PCDH7: variants seen among roughly 807,000 people sequenced by gnomAD.
PCDH7 encodes protocadherin-7.
PCDH7 carries 17 observed loss-of-function variants against 58.9 expected under a neutral mutation model. The ratio of observed to expected loss-of-function variants is 0.29; its 90% confidence interval spans 0.20 to 0.43. The LOEUF is 0.43. Among genes scored for constraint, PCDH7 ranks in the 20% least tolerant of loss-of-function variants. The probability of loss-of-function intolerance (pLI) is 1.00; values close to 1 mark genes in which losing one functional copy is unlikely to be tolerated. For synonymous variants in PCDH7, 664 were observed against 616.4 expected (o/e 1.08, Z -1.14); for missense variants, 1,274 against 1,441.0 (o/e 0.88, Z 1.88).
At position 30,905,260 on chromosome 4, in the gene PCDH7, T is replaced by C. The variant is rs564434918; in HGVS notation, c.71-14893T>C. ...TTGTTTATTTGTTCATTTTTAGTGTTTTACATACTACTGGAGTTCCACTTG... is the reference window on the plus strand; with the variant it reads ...TTGTTTATTTGTTCATTTTTAGTGTCTTACATACTACTGGAGTTCCACTTG... On this transcript the variant is annotated intron_variant, in intron 1 of 3. Coordinates refer to the PCDH7 transcript ENST00000509759. 9.9e-5 allele frequency among the ~76,000 whole-genome samples: 15 copies of C among 152,210 alleles called. No homozygotes were observed. In the South Asian group the frequency reaches 3.1e-3, roughly 32 times the overall value.
chr4:30,835,022 A>G (rs1364155345), intron 1 of PCDH7, among the ~76,000 whole-genome samples: 2 of 152,124 alleles, frequency 1.3e-5, no homozygotes, highest in African/African-American at 4.8e-5. Context: ...GCCATATATA[A>G]TAATAAACCA....
At chr4:30,876,798 T>C (rs1736342340) in intron 1 of PCDH7, among the ~76,000 whole-genome samples, 2 of 152,176 alleles carry the variant, frequency 1.3e-5, no homozygotes, top group South Asian at 4.1e-4. Context: ...CCAGGTTTGC[T>C]ACATAGGTAT....
intron 3 of PCDH7, among the ~76,000 whole-genome samples, chr4:31,128,042 T>C (rs1230219939): frequency 1.3e-5 from 2 of 151,456 alleles, no homozygotes; most frequent in African/African-American, 4.8e-5. Context: ...TATATATGTA[T>C]GCACATATGC....
At chr4:30,830,343 T>C (rs1729612762) in intron 1 of PCDH7, among the ~76,000 whole-genome samples, 1 of 152,116 alleles carries the variant, frequency 6.6e-6, no homozygotes, top group Non-Finnish European at 1.5e-5. Flanking sequence ...GATAGTGTAA[T>C]TAGCAATCAA....
intron 3 of PCDH7, among the ~76,000 whole-genome samples, chr4:30,950,509 A>T (rs997497295): frequency 6.6e-6 from 1 of 152,216 alleles, no homozygotes; most frequent in East Asian, 1.9e-4. Flanking sequence ...ACTTGTATGT[A>T]TGAATATGCC....
intron 1 of PCDH7, among the ~76,000 whole-genome samples, chr4:30,749,610 A>G (rs1377578308): frequency 6.6e-6 from 1 of 152,174 alleles, no homozygotes; most frequent in East Asian, 1.9e-4. Context: ...TATGCCTGCA[A>G]CACTGCTCTT....
At chr4:30,840,427 T>C (rs989386591) in intron 1 of PCDH7, among the ~76,000 whole-genome samples, 11 of 152,278 alleles carry the variant, frequency 7.2e-5, no homozygotes, top group African/African-American at 2.2e-4. Flanking sequence ...GTGGGATTTT[T>C]CCCCTCTTTG....
At chr4:30,998,903 G>A (rs1291713938) in intron 3 of PCDH7, among the ~76,000 whole-genome samples, 1 of 152,144 alleles carries the variant, frequency 6.6e-6, no homozygotes, top group South Asian at 2.1e-4. Context: ...CATTGGAATG[G>A]AAACAAAATA....
chr4:30,761,228 T>C (rs1719978281), intron 1 of PCDH7, among the ~76,000 whole-genome samples: 1 of 152,198 alleles, frequency 6.6e-6, no homozygotes, highest in Non-Finnish European at 1.5e-5. Context: ...AAAGATTCAC[T>C]AACAGAGCTT....
rs1713349036 is a variant in PCDH7, at chr4:30,720,659, G to C, written c.-764G>C. 1 of 152,674 alleles carries C rather than the reference G, an allele frequency of 6.5e-6. No individual in the cohort carries two copies. Among genetic ancestry groups the C allele is most frequent in the Non-Finnish European group, 1.5e-5 (1 of 68,274 alleles). The allele number at this position is 152,674 out of a possible 1,614,324, so 9.5% of individuals were successfully genotyped here. ...GCTCGGGCTTCTCTTTGGCGCGCCG[G>C]GGGGACCCTGACACTGACCGCTCTG... is the stretch of plus-strand genomic sequence containing the variant. On this transcript the variant is annotated 5_prime_UTR_variant, in exon 1 of 2. Coordinates refer to ENST00000361762, the Ensembl canonical transcript of PCDH7. This position sits in a 1 kb window ranked among gnomAD's most constrained non-coding sequence, Gnocchi z 4.7.
At chr4:31,135,586 A>G (rs750577069) in intron 3 of PCDH7, among the ~76,000 whole-genome samples, 2 of 152,206 alleles carry the variant, frequency 1.3e-5, no homozygotes, top group Non-Finnish European at 2.9e-5. Context: ...TATTTATTCC[A>G]TAATAAATTA....
At chr4:31,140,661 C>G (rs1026415174) in intron 3 of PCDH7, among the ~76,000 whole-genome samples, 1 of 147,922 alleles carries the variant, frequency 6.8e-6, no homozygotes, top group Non-Finnish European at 1.5e-5. Context: ...GAAATATTCT[C>G]AAAGAACTTG....
In PCDH7 at chr4:30,753,772, G is replaced by T. The variant is rs139403120; in HGVS notation, c.70+29176G>T. Among the ~76,000 whole-genome samples the T allele has an allele frequency of 4.7e-3, 713 of 152,226 alleles. 8 individuals carry two copies. The highest frequency in any genetic ancestry group is 0.016 in the African/African-American group (652 of 41,528). On this transcript the variant is annotated intron_variant, in intron 1 of 3. Transcript: ENST00000509759. ...TTATTACATATGCAGTGCATTTTAA[G>T]AATTGTGATAGAGCCTTTTTTTAAG...
chr4:31,093,656 T>C (rs1438042239), intron 3 of PCDH7, among the ~76,000 whole-genome samples: 1 of 152,112 alleles, frequency 6.6e-6, no homozygotes. Flanking sequence ...CGTAAGCTTT[T>C]CTTAAAAGCA....
At chr4:31,035,111 T>C (rs1368238282) in intron 3 of PCDH7, among the ~76,000 whole-genome samples, 1 of 152,216 alleles carries the variant, frequency 6.6e-6, no homozygotes, top group East Asian at 1.9e-4. Flanking sequence ...TGAGGTTCTT[T>C]AGGAATCTGT....
At position 30,850,202 on chromosome 4, in the gene PCDH7, C is replaced by T. The variant is rs558169611; in HGVS notation, c.71-69951C>T. ...TGAGACTGTATTCTTGATATATGTA[C>T]ATATTATTTGTGGTTGAGGGGCAAG... On this transcript the variant is annotated intron_variant, in intron 1 of 3. Transcript: ENST00000509759. 4.9e-4 allele frequency among the ~76,000 whole-genome samples: 75 copies of T among 152,188 alleles called. No homozygotes were observed. In the South Asian group the frequency reaches 0.015, roughly 31 times the overall value.
At chr4:30,832,798 C>T (rs1729969720) in intron 1 of PCDH7, among the ~76,000 whole-genome samples, 1 of 152,100 alleles carries the variant, frequency 6.6e-6, no homozygotes, top group African/African-American at 2.4e-5. Flanking sequence ...CCAGGCAGTC[C>T]CTGTCTAGTG....
chr4:30,759,008 C>T (rs1719687270), intron 1 of PCDH7, among the ~76,000 whole-genome samples: 1 of 134,428 alleles, frequency 7.4e-6, no homozygotes, highest in African/African-American at 2.9e-5. Context: ...GTGACGTGAT[C>T]GCGGCTCACT....
intron 1 of PCDH7, among the ~76,000 whole-genome samples, chr4:30,827,796 T>A (rs920127881): frequency 6.6e-6 from 1 of 152,108 alleles, no homozygotes; most frequent in Admixed American, 6.6e-5. Context: ...AGTATGTGCA[T>A]AGATGTCAAT....
Sources: gnomAD v4.1 joint callset for allele counts (sites outside exome capture counted in the v4.1 genomes callset) on GRCh38, gnomAD v4.1.1 for gene constraint, Gnocchi (gnomAD v3.1) non-coding constraint, MANE v1.5 for transcripts, NCBI Gene and HGNC (gene_info 2026-07-23, HGNC 2026-07-21) for gene names.